The following FBXO11 variants were observed in gnomAD, a reference collection of about 807,000 sequenced individuals.
FBXO11 encodes the protein F-box only protein 11.
Under a neutral mutation model 117.0 loss-of-function variants are expected in FBXO11, and 13 were observed. That is an observed-to-expected ratio of 0.11 (90% CI 0.07 to 0.18). FBXO11 has a LOEUF of 0.18. FBXO11 is among the 10% of genes least tolerant of loss of function. The probability of loss-of-function intolerance (pLI) is 1.00; values close to 1 mark genes in which losing one functional copy is unlikely to be tolerated. For missense variants in FBXO11, 767 were observed against 1,164.4 expected (o/e 0.66, Z 4.97); for synonymous variants, 490 against 380.5 (o/e 1.29, Z -3.35).
At chr2:47,878,775 C>A (rs907154484) in intron 1 of FBXO11, among the ~76,000 whole-genome samples, 1 of 151,426 alleles carries the variant, frequency 6.6e-6, no homozygotes, top group East Asian at 2.0e-4. Flanking sequence ...GTCAGGAGTT[C>A]GAGACCAGCC....
chr2:47,889,209 C>T (rs1677086220), intron 1 of FBXO11, among the ~76,000 whole-genome samples: 2 of 152,176 alleles, frequency 1.3e-5, no homozygotes, highest in South Asian at 2.1e-4. Flanking sequence ...TGTTTAAATC[C>T]GGTTATGTTG....
At chr2:47,840,307 A>T (rs1185604653) in intron 1 of FBXO11, among the ~76,000 whole-genome samples, 1 of 151,968 alleles carries the variant, frequency 6.6e-6, no homozygotes, top group African/African-American at 2.4e-5. Flanking sequence ...GTGGGAAGGG[A>T]ACTGGTACTA....
intron 11 of FBXO11, among the ~76,000 whole-genome samples, chr2:47,830,283 T>C (rs1672083546): frequency 6.6e-6 from 1 of 151,734 alleles, no homozygotes; most frequent in Non-Finnish European, 1.5e-5. Flanking sequence ...TACAGAATCG[T>C]GAGGGAAAGA....
At chr2:47,897,044 G>A (rs1281504881) in intron 1 of FBXO11, among the ~76,000 whole-genome samples, 1 of 151,792 alleles carries the variant, frequency 6.6e-6, no homozygotes, top group East Asian at 1.9e-4. Flanking sequence ...AAAAAGTTAT[G>A]ACCAATTATG....
intron 1 of FBXO11, among the ~76,000 whole-genome samples, chr2:47,845,311 G>A (rs1238506774): frequency 6.6e-6 from 1 of 152,182 alleles, no homozygotes; most frequent in African/African-American, 2.4e-5. Context: ...CATGATTTAA[G>A]TCATGAATAC....
At chr2:47,865,486 G>A (rs988167451) in intron 1 of FBXO11, among the ~76,000 whole-genome samples, 2 of 152,184 alleles carry the variant, frequency 1.3e-5, no homozygotes, top group African/African-American at 2.4e-5. Context: ...TTTACAGACT[G>A]CAGACTAATA....
At chr2:47,855,842 A>C (rs1424414384) in intron 1 of FBXO11, among the ~76,000 whole-genome samples, 1 of 119,466 alleles carries the variant, frequency 8.4e-6, no homozygotes, top group Non-Finnish European at 1.9e-5. Flanking sequence ...CAAACAGTTC[A>C]AAAAAAAAAA....
chr2:47,813,418 CTTTTT>C (rs756857108), intron 17 of FBXO11, 41 bp from the exon 18 acceptor site: 33 of 539,336 alleles, frequency 6.1e-5, no homozygotes, highest in South Asian at 5.2e-4. Context: ...AGGTATATTT[CTTTTT>C]AATTTTTTTT....
At chr2:47,829,460 C>T (rs922164406) in intron 11 of FBXO11, among the ~76,000 whole-genome samples, 1 of 151,922 alleles carries the variant, frequency 6.6e-6, no homozygotes, top group Non-Finnish European at 1.5e-5. Context: ...AGGCTGTTCT[C>T]GAATTCCTGA....
At position 47,808,422 on chromosome 2, in the gene FBXO11, T is replaced by C. The variant is rs1670373666; in HGVS notation, c.2561A>G (p.His854Arg). Residue 854 changes from histidine to arginine, a missense_variant, in exon 22 of 23, where the codon CAT (histidine) becomes CGT (arginine). Transcript: ENST00000403359. ...ATTTCGATCTGTGGTGTTACAAGTA[T>C]GACATCTAAAAAGCAAAAGCTTAAA... is the stretch of plus-strand genomic sequence containing the variant. The part of the protein sequence containing the change: ...SYPMHDFYRC[H>R]TCNTTDRNAI... 1 of 1,586,298 alleles carries C rather than the reference T, an allele frequency of 6.3e-7. No individual in the cohort carries two copies.
chr2:47,906,128 C>T lies in FBXO11; in HGVS notation c.-408G>A. 1 of 163,164 alleles carries T rather than the reference C, an allele frequency of 6.1e-6. No individual in the cohort carries two copies. The highest frequency in any genetic ancestry group is 1.3e-5 in the Non-Finnish European group (1 of 76,798). 10.1% of individuals were successfully genotyped at this position (163,164 alleles called of 1,614,324 possible). A position where few individuals can be genotyped will look rare whatever the true frequency, so the allele number is the denominator to read the frequency against. Reference sequence around the variant, plus strand: ...CCCGGTCCCGCCGACTCGCGAGCGGCGTCTCCGGCAGCGGGGGGAGTGGGC... The same window carrying T: ...CCCGGTCCCGCCGACTCGCGAGCGGTGTCTCCGGCAGCGGGGGGAGTGGGC... On this transcript the variant is annotated 5_prime_UTR_variant, in exon 1 of 23. Coordinates refer to ENST00000403359, the MANE Select transcript of FBXO11 (RefSeq NM_001190274.2).
At chr2:47,814,227 AAG>A (rs1167094475) in intron 16 of FBXO11, 2 of 205,186 alleles carry the variant, frequency 9.7e-6, no homozygotes, top group African/African-American at 2.3e-5. Flanking sequence ...TATTGCAATA[AAG>A]AGAGTCGCAT....
rs140477092 is a variant in FBXO11, at chr2:47,852,650, A to C, written c.233-12881T>G. Reference sequence around the variant, plus strand: ...TCTTTTAAAACTTTATTGTATCAATACAAATGATGATGGATGATAATAATG... The same window carrying C: ...TCTTTTAAAACTTTATTGTATCAATCCAAATGATGATGGATGATAATAATG... On this transcript the variant is annotated intron_variant, in intron 1 of 22. Transcript: ENST00000403359. 5.4e-4 allele frequency among the ~76,000 whole-genome samples: 82 copies of C among 152,334 alleles called. 1 individual carries two copies. Among genetic ancestry groups the C allele is most frequent in the African/African-American group, 1.9e-3 (78 of 41,574 alleles).
chr2:47,860,192 G>C (rs184931022), intron 1 of FBXO11, among the ~76,000 whole-genome samples: 5 of 152,158 alleles, frequency 3.3e-5, no homozygotes, highest in Admixed American at 3.3e-4. Flanking sequence ...AGTGTTAAAT[G>C]AAACTGCTGG....
chr2:47,903,252 T>C (rs1263606871), intron 1 of FBXO11, among the ~76,000 whole-genome samples: 2 of 152,214 alleles, frequency 1.3e-5, no homozygotes, highest in African/African-American at 4.8e-5. Context: ...GCCATTTATG[T>C]GCCCTCTTTA....
chr2:47,859,059 G>T (rs949633151), intron 1 of FBXO11, among the ~76,000 whole-genome samples: 9 of 128,014 alleles, frequency 7.0e-5, no homozygotes, highest in African/African-American at 2.7e-4. Flanking sequence ...AAAAAAAAAA[G>T]AAAAGAAAAG....
chr2:47,826,663 T>A (rs891026471), intron 11 of FBXO11, among the ~76,000 whole-genome samples: 11 of 152,082 alleles, frequency 7.2e-5, no homozygotes, highest in African/African-American at 1.2e-4. Context: ...CCATAAAATA[T>A]GACTTCTTTG....
At chr2:47,848,998 C>A (rs966409671) in intron 1 of FBXO11, among the ~76,000 whole-genome samples, 1 of 152,144 alleles carries the variant, frequency 6.6e-6, no homozygotes, top group Non-Finnish European at 1.5e-5. Flanking sequence ...TTCCAATTTA[C>A]TTACCCATAG....
chr2:47,893,016 A>C (rs1677376287), intron 1 of FBXO11, among the ~76,000 whole-genome samples: 1 of 152,080 alleles, frequency 6.6e-6, no homozygotes, highest in Admixed American at 6.6e-5. Flanking sequence ...TGAACCAGGC[A>C]TGGTGGCACG....
Sources: allele counts gnomAD v4.1 joint callset (sites outside exome capture counted in the v4.1 genomes callset), GRCh38; gene constraint gnomAD v4.1.1; transcripts MANE v1.5; gene names NCBI Gene and HGNC (gene_info 2026-07-23, HGNC 2026-07-21).